The following TIAM2 variants were observed in gnomAD, a reference collection of about 807,000 sequenced individuals.
TIAM2 encodes the protein TIAM Rac1 associated GEF 2.
In TIAM2, 80 loss-of-function variants were observed where a neutral mutation model predicts 152.9. That is an observed-to-expected ratio of 0.52 (90% CI 0.44 to 0.63). The LOEUF (loss-of-function observed/expected upper bound fraction) is 0.63. TIAM2 is among the 30% of genes least tolerant of loss of function. The probability of loss-of-function intolerance (pLI) is 0.00; values close to 1 mark genes in which losing one functional copy is unlikely to be tolerated. For synonymous variants in TIAM2, 804 were observed against 838.0 expected (o/e 0.96, Z 0.70); for missense variants, 1,965 against 2,120.1 (o/e 0.93, Z 1.44).
chr6:155,001,176 G>C (rs895109033), intron 1 of TIAM2, among the ~76,000 whole-genome samples: 4 of 152,070 alleles, frequency 2.6e-5, no homozygotes, highest in Non-Finnish European at 5.9e-5. Context: ...TGGTGACTGA[G>C]AAAATGGAGG....
chr6:155,085,574 A>C (rs1231796952), intron 1 of TIAM2, among the ~76,000 whole-genome samples: 1 of 151,120 alleles, frequency 6.6e-6, no homozygotes, highest in East Asian at 1.9e-4. Context: ...AAAAAAAAAA[A>C]CAACTTTGTG....
intron 1 of TIAM2, among the ~76,000 whole-genome samples, chr6:155,059,943 T>C (rs1257207063): frequency 6.6e-6 from 1 of 152,224 alleles, no homozygotes; most frequent in Non-Finnish European, 1.5e-5. Flanking sequence ...AAAACTAACA[T>C]AGTGTTCAGC....
At chr6:155,002,863 G>GTGT (rs371546289) in intron 1 of TIAM2, among the ~76,000 whole-genome samples, 1 of 148,020 alleles carries the variant, frequency 6.8e-6, no homozygotes, top group Admixed American at 6.8e-5. Context: ...GTGTGTGTGT[G>GTGT]TTTTTTTTTT....
At chr6:155,003,489 A>G (rs1179200546) in intron 1 of TIAM2, among the ~76,000 whole-genome samples, 1 of 152,078 alleles carries the variant, frequency 6.6e-6, no homozygotes, top group East Asian at 1.9e-4. Context: ...CAAAAAAGAA[A>G]AGAAATTACT....
rs748277404 is a variant in TIAM2, at chr6:155,144,798, A to G, written c.1803+20A>G. 3.1e-6 allele frequency: 5 copies of G among 1,596,438 alleles called. No individual in the cohort carries two copies. The South Asian group carries it at 4.6e-5, about 15-fold the overall frequency. Reference sequence around the variant, plus strand: ...TTCCAGGTACTGCTGGTACTTTGTAAGTGGAGGTAATAGCTTATGTACTGC... The same window carrying G: ...TTCCAGGTACTGCTGGTACTTTGTAGGTGGAGGTAATAGCTTATGTACTGC... On this transcript the variant is annotated intron_variant, in intron 6 of 26. Transcript: ENST00000682666.
At chr6:155,250,765 G>C in intron 21 of TIAM2, 148 bp from the exon 22 acceptor site, 1 of 1,120,562 alleles carries the variant, frequency 8.9e-7, no homozygotes, top group Non-Finnish European at 1.3e-6. Context: ...AAGCTCCACC[G>C]TTTAAGGCCC....
At chr6:155,147,176 C>CTTTT (rs3028764) in intron 6 of TIAM2, among the ~76,000 whole-genome samples, 26 of 143,330 alleles carry the variant, frequency 1.8e-4, no homozygotes, top group Non-Finnish European at 1.4e-4. Flanking sequence ...TTACATTGTT[C>CTTTT]TTTTTTTTTT....
chr6:155,130,531 A>G (rs1166862956), intron 4 of TIAM2, 114 bp downstream of exon 4: 7 of 956,468 alleles, frequency 7.3e-6, no homozygotes, highest in Admixed American at 2.9e-5. Context: ...TGATCTGGCA[A>G]AAGTGAAGAG....
intron 24 of TIAM2, 116 bp downstream of exon 24, chr6:155,253,169 AG>A: frequency 1.2e-6 from 1 of 812,986 alleles, no homozygotes; most frequent in Non-Finnish European, 2.0e-6. Flanking sequence ...TTTATAGACA[AG>A]GAAAATGAGG....
At chr6:155,227,420 G>A (rs1402451085) in intron 15 of TIAM2, among the ~76,000 whole-genome samples, 1 of 152,180 alleles carries the variant, frequency 6.6e-6, no homozygotes. Flanking sequence ...TTTAGCATGA[G>A]AAAACTCAAA....
intron 2 of TIAM2, among the ~76,000 whole-genome samples, chr6:155,109,226 C>T (rs1030690476): frequency 1.5e-4 from 23 of 152,198 alleles, no homozygotes; most frequent in Admixed American, 5.2e-4. Flanking sequence ...CGTCATGATC[C>T]GCCCGCCTCG....
chr6:155,247,129 G>C (rs1289926092), intron 19 of TIAM2, among the ~76,000 whole-genome samples: 1 of 152,238 alleles, frequency 6.6e-6, no homozygotes, highest in African/African-American at 2.4e-5. Flanking sequence ...GTGGAGTGAA[G>C]GCTGTAGGCT....
At position 155,137,205 on chromosome 6, in the gene TIAM2, A is replaced by G; in HGVS notation, c.1223A>G (p.Tyr408Cys). 3.1e-6 allele frequency: 5 copies of G among 1,613,922 alleles called. No individual in the cohort carries two copies. Among genetic ancestry groups the G allele is most frequent in the Non-Finnish European group, 4.2e-6 (5 of 1,179,812 alleles). ...QEPRSKEGSD[Y>C]FDSRSDGLNT... is the part of the protein sequence containing the mutation. ...CCGAGGTCCAAGGAGGGCAGTGACTACTTTGACAGTCGCTCTGATGGACTG... is the reference window on the plus strand; with the variant it reads ...CCGAGGTCCAAGGAGGGCAGTGACTGCTTTGACAGTCGCTCTGATGGACTG... The change falls in exon 5 of 27, where the codon TAC becomes TGC. Residue 408 changes from tyrosine (Y) to cysteine (C), a missense_variant. Physicochemically the swap from Tyr to Cys is radical, Grantham distance 194. Around this residue, in one of 3 missense-constraint regions of TIAM2, gnomAD observed 1,025 missense variants for 1,119.4 expected, o/e 0.92. Coordinates refer to ENST00000682666, the MANE Select transcript of TIAM2 (RefSeq NM_012454.4).
intron 1 of TIAM2, among the ~76,000 whole-genome samples, chr6:155,025,354 C>T (rs1295387039): frequency 5.3e-5 from 8 of 152,204 alleles, no homozygotes; most frequent in South Asian, 4.2e-4. Flanking sequence ...CCACCACGCC[C>T]GGCTAATTTT....
intron 14 of TIAM2, among the ~76,000 whole-genome samples, chr6:155,193,328 T>C (rs1000423772): frequency 2.0e-5 from 3 of 152,200 alleles, no homozygotes; most frequent in African/African-American, 7.2e-5. Flanking sequence ...TGCTTGAGTC[T>C]GGGAGGTTGA....
chr6:155,005,529 G>A (rs540551075), intron 1 of TIAM2, among the ~76,000 whole-genome samples: 1 of 151,988 alleles, frequency 6.6e-6, no homozygotes, highest in African/African-American at 2.4e-5. Context: ...TACTAGAGAC[G>A]GGGTTTCACC....
intron 1 of TIAM2, among the ~76,000 whole-genome samples, chr6:155,051,155 G>A (rs1039436014): frequency 6.6e-6 from 1 of 152,206 alleles, no homozygotes; most frequent in African/African-American, 2.4e-5. Flanking sequence ...GACATGGCAA[G>A]TCTAAGAGAG....
intron 9 of TIAM2, among the ~76,000 whole-genome samples, chr6:155,172,672 ATATATATATATATATTTTTTTTTTTTTTT>A (rs1265573716): frequency 1.4e-3 from 18 of 12,464 alleles, no homozygotes; most frequent in African/African-American, 3.7e-3. Flanking sequence ...ATATATATAT[ATATATATATATATATTTTTTTTTTTTTTT>A]TTTTTTTTTT....
At chr6:155,106,879 A>G (rs1311544754) in intron 2 of TIAM2, among the ~76,000 whole-genome samples, 2 of 152,216 alleles carry the variant, frequency 1.3e-5, no homozygotes, top group East Asian at 3.8e-4. Context: ...CCCATGGAAA[A>G]CCACTTTCTG....
Sources: gnomAD v4.1 joint callset for allele counts (sites outside exome capture counted in the v4.1 genomes callset) on GRCh38, gnomAD v4.1.1 for gene constraint, gnomAD v4.1.1 regional missense constraint, MANE v1.5 for transcripts, NCBI Gene and HGNC (gene_info 2026-07-23, HGNC 2026-07-21) for gene names.